The following MELK variants were observed in gnomAD, a reference collection of about 807,000 sequenced individuals.
The protein encoded by MELK is pEg3 kinase.
A neutral mutation model predicts 85.0 loss-of-function variants in MELK; 81 were observed. The observed-to-expected ratio is 0.95, with a 90% confidence interval of 0.80 to 1.15. The LOEUF (loss-of-function observed/expected upper bound fraction) is 1.15, where lower values mean the gene tolerates loss of function less well. Ranked by LOEUF, MELK falls within the 50% of genes most tolerant of loss-of-function variation. The pLI, the probability that MELK is intolerant of heterozygous loss-of-function variation, is 0.00. For missense variants in MELK, 754 were observed against 777.5 expected, an observed-to-expected ratio of 0.97 and a Z score of 0.36; for synonymous variants, 252 against 265.0, an observed-to-expected ratio of 0.95 and a Z score of 0.48.
At chr9:36,670,089 A>G (rs1420784153) in intron 15 of MELK, among the ~76,000 whole-genome samples, 5 of 152,180 alleles carry the variant, frequency 3.3e-5, no homozygotes, top group Admixed American at 6.5e-5. Context: ...TAGAAAGCCA[A>G]CTAACACCAC....
chr9:36,629,748 T>C (rs1194514416), intron 8 of MELK, among the ~76,000 whole-genome samples: 2 of 152,194 alleles, frequency 1.3e-5, no homozygotes, highest in South Asian at 2.1e-4. Flanking sequence ...TCTACTGTTA[T>C]GTTCTTTGTG....
At chr9:36,581,864 A>G in intron 2 of MELK, 125 bp downstream of exon 2, 1 of 658,992 alleles carries the variant, frequency 1.5e-6, no homozygotes, top group South Asian at 2.4e-5. Flanking sequence ...CTACTTCAGT[A>G]AGAAAAAGTG....
At chr9:36,619,266 A>G (rs546389451) in intron 8 of MELK, among the ~76,000 whole-genome samples, 22 of 152,274 alleles carry the variant, frequency 1.4e-4, no homozygotes, top group African/African-American at 5.3e-4. Context: ...GCCTAACTCT[A>G]CGTATTCTTT....
chr9:36,667,771 T>C (rs10973019), intron 14 of MELK, among the ~76,000 whole-genome samples: 6 of 152,110 alleles, frequency 3.9e-5, no homozygotes, highest in Admixed American at 1.3e-4. Flanking sequence ...CTCTTCTCTT[T>C]TCTTCTTTTT....
chr9:36,652,172 G>A (rs1391908979), intron 12 of MELK, among the ~76,000 whole-genome samples: 2 of 146,698 alleles, frequency 1.4e-5, no homozygotes, highest in South Asian at 2.2e-4. Context: ...TCAGCCTCCC[G>A]AGTAGCTGGA....
In MELK at chr9:36,671,108, C is replaced by T; in HGVS notation, c.1616C>T (p.Thr539Ile). The change falls in exon 16 of 18, where the codon ACT (threonine) becomes ATT (isoleucine). Residue 539 changes from threonine (T) to isoleucine (I), a missense_variant. Coordinates refer to ENST00000298048, the MANE Select transcript of MELK (RefSeq NM_014791.4). The stretch of plus-strand genomic sequence containing the variant: ...GAAAGGGGGTTGGATAAGGTTATCA[C>T]TGTGCTCACCAGGAGCAAAAGGAAG... ...SLERGLDKVI[T>I]VLTRSKRKGS... is the part of the protein sequence containing the mutation. The T allele has an allele frequency of 6.2e-7, 1 of 1,612,200 alleles. No homozygotes were observed. Among genetic ancestry groups the T allele is most frequent in the Non-Finnish European group, 8.5e-7 (1 of 1,179,134 alleles).
intron 12 of MELK, among the ~76,000 whole-genome samples, chr9:36,656,194 T>A (rs2137433866): frequency 6.6e-6 from 1 of 152,318 alleles, no homozygotes; most frequent in African/African-American, 2.4e-5. Flanking sequence ...CTAATTTTCT[T>A]CCTGGTAGAA....
At chr9:36,636,802 T>TTCTGTCTGTCTGTCTG (rs1223127116) in intron 10 of MELK, among the ~76,000 whole-genome samples, 1 of 75,248 alleles carries the variant, frequency 1.3e-5, no homozygotes, top group African/African-American at 4.1e-5. Flanking sequence ...CTTTCTTTCT[T>TTCTGTCTGTCTGTCTG]TCTGTCTTTC....
chr9:36,635,601 A>G (rs1419013321), intron 10 of MELK, among the ~76,000 whole-genome samples: 1 of 152,114 alleles, frequency 6.6e-6, no homozygotes, highest in East Asian at 1.9e-4. Flanking sequence ...CCATCCATAC[A>G]AATGTCAACA....
intron 8 of MELK, among the ~76,000 whole-genome samples, chr9:36,609,450 T>C (rs1023684011): frequency 2.6e-4 from 39 of 148,164 alleles, no homozygotes; most frequent in African/African-American, 4.7e-4. Flanking sequence ...TCTTCTTCTT[T>C]TTTTTTTTTT....
intron 3 of MELK, among the ~76,000 whole-genome samples, chr9:36,584,466 C>A (rs1396296034): frequency 6.7e-6 from 1 of 149,210 alleles, no homozygotes; most frequent in African/African-American, 2.5e-5. Flanking sequence ...TACAGGTGCC[C>A]GCCACCATGC....
intron 3 of MELK, among the ~76,000 whole-genome samples, chr9:36,588,990 A>C (rs1468682653): frequency 6.6e-6 from 1 of 152,100 alleles, no homozygotes; most frequent in Admixed American, 6.6e-5. Context: ...CCTTCTAAGG[A>C]GTCTGAGATT....
intron 12 of MELK, among the ~76,000 whole-genome samples, chr9:36,656,622 C>T (rs1040332676): frequency 3.4e-4 from 52 of 151,202 alleles, no homozygotes; most frequent in African/African-American, 1.3e-3. Context: ...TCTACCTTTT[C>T]TTTTTTTTTC....
intron 1 of MELK, among the ~76,000 whole-genome samples, chr9:36,579,635 G>A (rs980667230): frequency 5.1e-4 from 77 of 152,314 alleles, no homozygotes; most frequent in African/African-American, 1.7e-3. Context: ...AAATGAATAA[G>A]AGCAAATTCA....
At chr9:36,672,071 A>T (rs1029019172) in intron 16 of MELK, among the ~76,000 whole-genome samples, 14 of 152,200 alleles carry the variant, frequency 9.2e-5, no homozygotes, top group Non-Finnish European at 1.3e-4. Context: ...GTAATGAGCA[A>T]ATCTGGGCGG....
chr9:36,630,454 T>G, intron 9 of MELK, 87 bp downstream of exon 9: 1 of 1,093,428 alleles, frequency 9.1e-7, no homozygotes. Flanking sequence ...CATTTCCTAT[T>G]AGCTTGAAAA....
intron 8 of MELK, among the ~76,000 whole-genome samples, chr9:36,629,016 G>A (rs1294351537): frequency 1.3e-5 from 2 of 151,832 alleles, no homozygotes; most frequent in South Asian, 2.1e-4. Flanking sequence ...ACAGGTGCCC[G>A]CCACCATGCC....
intron 11 of MELK, among the ~76,000 whole-genome samples, chr9:36,643,982 G>A (rs1830004364): frequency 6.6e-6 from 1 of 150,784 alleles, no homozygotes; most frequent in African/African-American, 2.4e-5. Flanking sequence ...CACAAAGAAT[G>A]GACAGAGTTC....
chr9:36,666,755 T>C (rs1832370308), intron 14 of MELK, among the ~76,000 whole-genome samples: 1 of 152,134 alleles, frequency 6.6e-6, no homozygotes, highest in African/African-American at 2.4e-5. Context: ...TTGCTAGAAG[T>C]CCCATTTTTA....
Sources: allele counts gnomAD v4.1 joint callset (sites outside exome capture counted in the v4.1 genomes callset), GRCh38; gene constraint gnomAD v4.1.1; transcripts MANE v1.5; gene names NCBI Gene and HGNC (gene_info 2026-07-23, HGNC 2026-07-21).